Variants in VOPP1 observed in about 807,000 individuals in gnomAD.
The protein encoded by VOPP1 is WW domain binding protein VOPP1.
In VOPP1, 8 loss-of-function variants were observed where a neutral mutation model predicts 23.5. The ratio of observed to expected loss-of-function variants is 0.34; its 90% confidence interval spans 0.20 to 0.61. VOPP1 has a LOEUF of 0.61. Among genes scored for constraint, VOPP1 ranks in the 20% least tolerant of loss-of-function variants. The pLI is 0.78. For synonymous variants in VOPP1, 83 were observed against 97.3 expected, an observed-to-expected ratio of 0.85 and a Z score of 0.86; for missense variants, 174 against 238.1, an observed-to-expected ratio of 0.73 and a Z score of 1.77.
At chr7:55,570,984 G>A (rs577209394) in intron 1 of VOPP1, among the ~76,000 whole-genome samples, 4 of 152,030 alleles carry the variant, frequency 2.6e-5, no homozygotes, top group Admixed American at 6.6e-5. Flanking sequence ...AATAAAGATT[G>A]CAAGTATAGG....
intron 2 of VOPP1, among the ~76,000 whole-genome samples, chr7:55,510,197 G>A (rs1311125871): frequency 6.6e-6 from 1 of 152,220 alleles, no homozygotes; most frequent in Non-Finnish European, 1.5e-5. Flanking sequence ...ATGTCTACCT[G>A]TAAGTGTGCA....
intron 1 of VOPP1, chr7:55,521,677 G>A: frequency 1.0e-6 from 1 of 987,380 alleles, no homozygotes; most frequent in Non-Finnish European, 1.2e-6. Context: ...CCTCTCCTGG[G>A]CTTTCCAGGT....
At chr7:55,515,974 G>A (rs544613722) in intron 2 of VOPP1, 329 of 985,480 alleles carry the variant, frequency 3.3e-4, no homozygotes, top group Non-Finnish European at 3.7e-4. Flanking sequence ...AAGCTCACAC[G>A]GTGGCCCCTG....
rs11238366 is a variant in VOPP1, at chr7:55,473,026, C to A, written c.348G>T (p.Pro116=). Residue 116 remains proline (P), a synonymous_variant, in exon 5 of 5, where the codon CCG becomes CCT. Transcript: ENST00000285279. ...GTCCTCCTGGGTCGGTGTAATAGGG[C>A]GGCCCCGGCTGCTGGGCTCCTGAAA... ...NPGPGAQQPG[P]PYYTDPGGPG... is the part of the protein sequence containing the mutation. 18 of 1,597,166 alleles carry A rather than the reference C, an allele frequency of 1.1e-5. No homozygotes were observed. The highest frequency in any genetic ancestry group is 1.4e-5 in the Non-Finnish European group (17 of 1,173,524).
chr7:55,561,968 T>G lies in VOPP1; in HGVS notation c.54+10303A>C, dbSNP rs1200857589. 7.1e-6 allele frequency: 5 copies of G among 703,396 alleles called. No homozygotes were observed. In the East Asian group the frequency reaches 8.0e-5, roughly 11 times the overall value. The allele number at this position is 703,396 out of a possible 1,614,324, so 43.6% of individuals were successfully genotyped here. A position where few individuals can be genotyped will look rare whatever the true frequency, so the allele number is the denominator to read the frequency against. ...AAACAGGAAGTGAAAGTATGGTGCCTTCAGGACCCACAGTAGTCGGTTCAG... is the reference window on the plus strand; with the variant it reads ...AAACAGGAAGTGAAAGTATGGTGCCGTCAGGACCCACAGTAGTCGGTTCAG... On this transcript the variant is annotated intron_variant, in intron 1 of 4. Coordinates refer to ENST00000285279, the MANE Select transcript of VOPP1 (RefSeq NM_030796.5).
rs1378212726 is a variant in VOPP1, at chr7:55,470,766, A to G, written c.*2089T>C. The G allele has an allele frequency of 1.3e-5, 2 of 152,272 alleles. No individual in the cohort carries two copies. The highest frequency in any genetic ancestry group is 4.8e-5 in the African/African-American group (2 of 41,422). 9.4% of individuals were successfully genotyped at this position (152,272 alleles called of 1,614,324 possible). On this transcript the variant is annotated 3_prime_UTR_variant, in exon 5 of 5. Coordinates refer to ENST00000285279, the MANE Select transcript of VOPP1 (RefSeq NM_030796.5). ...CACGGACGCTCCGGGAATTCTACAC[A>G]CCAGGAGCTGTCTCACTCCAGGAAG...
chr7:55,496,192 C>T (rs1046938733), intron 3 of VOPP1, among the ~76,000 whole-genome samples: 1 of 152,234 alleles, frequency 6.6e-6, no homozygotes, highest in Non-Finnish European at 1.5e-5. Context: ...ACGCCCTCAT[C>T]ATCATTCATC....
intron 2 of VOPP1, among the ~76,000 whole-genome samples, chr7:55,510,821 C>T (rs1583973007): frequency 6.6e-6 from 1 of 152,086 alleles, no homozygotes; most frequent in East Asian, 1.9e-4. Flanking sequence ...GCACCCTGCA[C>T]CTTCATGCTC....
chr7:55,535,524 C>A (rs889261511), intron 1 of VOPP1, among the ~76,000 whole-genome samples: 2 of 152,172 alleles, frequency 1.3e-5, no homozygotes, highest in Admixed American at 6.5e-5. Flanking sequence ...CAGTCCCCCG[C>A]CCCGCAGCCA....
chr7:55,545,946 A>G (rs906773276), intron 1 of VOPP1, among the ~76,000 whole-genome samples: 6 of 152,174 alleles, frequency 3.9e-5, no homozygotes, highest in African/African-American at 1.4e-4. Flanking sequence ...ACATGCCTGT[A>G]ATACCAGCTA....
intron 1 of VOPP1, among the ~76,000 whole-genome samples, chr7:55,542,369 C>T (rs868240179): frequency 3.0e-4 from 46 of 152,210 alleles, no homozygotes; most frequent in African/African-American, 1.0e-3. Flanking sequence ...TTCCTTCTAA[C>T]TGTATTTTCA....
intron 1 of VOPP1, among the ~76,000 whole-genome samples, chr7:55,562,397 T>TA (rs1272943160): frequency 6.6e-6 from 1 of 152,144 alleles, no homozygotes; most frequent in African/African-American, 2.4e-5. Flanking sequence ...GGTCCAGAAC[T>TA]AAAAAACTCT....
At chr7:55,473,831 T>C (rs1057156661) in intron 4 of VOPP1, among the ~76,000 whole-genome samples, 35 of 152,178 alleles carry the variant, frequency 2.3e-4, no homozygotes, top group African/African-American at 8.2e-4. Flanking sequence ...ACTCAGGTGT[T>C]TTTGAAGTGA....
intron 2 of VOPP1, among the ~76,000 whole-genome samples, chr7:55,500,377 C>T (rs1794283490): frequency 6.6e-6 from 1 of 152,232 alleles, no homozygotes; most frequent in Non-Finnish European, 1.5e-5. Context: ...GTGTGGTCTG[C>T]AGGCACCAAC....
At chr7:55,551,291 G>A (rs1386928017) in intron 1 of VOPP1, among the ~76,000 whole-genome samples, 2 of 152,222 alleles carry the variant, frequency 1.3e-5, no homozygotes, top group South Asian at 4.1e-4. Context: ...GTCAATGGAA[G>A]TTTTCACTGA....
intron 3 of VOPP1, among the ~76,000 whole-genome samples, chr7:55,496,631 A>G (rs1250897901): frequency 1.3e-5 from 2 of 152,274 alleles, no homozygotes; most frequent in African/African-American, 2.4e-5. Flanking sequence ...CATCACTATT[A>G]AAGAACATCC....
chr7:55,481,554 G>A (rs1283531171), intron 4 of VOPP1, among the ~76,000 whole-genome samples: 1 of 152,364 alleles, frequency 6.6e-6, no homozygotes, highest in South Asian at 2.1e-4. Flanking sequence ...TGGAAAGAGG[G>A]CGGAGGAAAG....
intron 3 of VOPP1, chr7:55,493,165 T>C (rs1047305804): frequency 6.6e-6 from 1 of 152,226 alleles, no homozygotes; most frequent in Non-Finnish European, 1.5e-5. Flanking sequence ...AATGAACACA[T>C]GAATGGCTTC....
At chr7:55,459,750 C>T (rs954510063) in intron 4 of VOPP1, among the ~76,000 whole-genome samples, 8 of 151,824 alleles carry the variant, frequency 5.3e-5, no homozygotes, top group African/African-American at 1.7e-4. Context: ...TTTGACTCTT[C>T]TTCCTTTTTT....
Sources: allele counts gnomAD v4.1 joint callset (sites outside exome capture counted in the v4.1 genomes callset), GRCh38; gene constraint gnomAD v4.1.1; transcripts MANE v1.5; gene names NCBI Gene and HGNC (gene_info 2026-07-23, HGNC 2026-07-21).